The following ZNF814 variants were observed in gnomAD, a reference collection of about 807,000 sequenced individuals.
ZNF814 encodes the protein zinc finger protein 814.
Under a neutral mutation model 7.5 loss-of-function variants are expected in ZNF814, and 5 were observed. The observed-to-expected ratio is 0.67, with a 90% CI of 0.35 to 1.40. The LOEUF is 1.40. Ranked by LOEUF, ZNF814 falls within the 40% of genes most tolerant of loss-of-function variation. ZNF814 has a pLI of 0.04. For synonymous variants in ZNF814, 315 were observed against 340.7 expected (o/e 0.92, Z 0.83); for missense variants, 962 against 1,018.0 (o/e 0.94, Z 0.75).
rs561500755 is a variant in ZNF814, at chr19:57,870,598, C to T, written c.*2224G>A. 1 of 152,326 alleles carries T rather than the reference C, an allele frequency of 6.6e-6. No individual in the cohort carries two copies. The highest frequency in any genetic ancestry group is 1.5e-5 in the Non-Finnish European group (1 of 68,040). 9.4% of individuals were successfully genotyped at this position (152,326 alleles called of 1,614,324 possible). ...TCCTCTGACAATGGCCTCAACAATA[C>T]AATATTCATCATTATGGAAGTCCTG... On this transcript the variant is annotated 3_prime_UTR_variant, in exon 3 of 3. Coordinates refer to ENST00000435989, the MANE Select transcript of ZNF814 (RefSeq NM_001144989.2).
upstream of ZNF814, among the ~76,000 whole-genome samples, chr19:57,891,734 C>T (rs779542733): frequency 9.3e-5 from 14 of 151,344 alleles, no homozygotes; most frequent in Middle Eastern, 3.4e-3. Flanking sequence ...CTATGGAGTA[C>T]CCACTCTTTT....
the ZNF814 span, chr19:57,900,250 G>A: frequency 6.6e-6 from 1 of 152,224 alleles, no homozygotes; most frequent in Non-Finnish European, 1.5e-5. Flanking sequence ...AGTTAATATT[G>A]TTTCTGATTC....
chr19:57,889,167 C>A, upstream of ZNF814: 1 of 406,012 alleles, frequency 2.5e-6, no homozygotes, highest in South Asian at 1.1e-4. Flanking sequence ...ATGTAGTTCC[C>A]TAGGCAACAA....
rs1273758330 is a variant in ZNF814 at position 57,874,080 on chromosome 19, C to T, written c.1310G>A (p.Gly437Glu). The T allele has an allele frequency of 1.2e-6, 2 of 1,605,602 alleles. No individual in the cohort carries two copies. Among genetic ancestry groups the T allele is most frequent in the Non-Finnish European group, 1.7e-6 (2 of 1,176,164 alleles). Residue 437 changes from glycine to glutamate, a missense_variant, in exon 3 of 3, where the codon GGG becomes GAG. Transcript: ENST00000435989. ...AAAAGATTTCCCACATTCTTCACAC[C>T]CATAAGGTTTTTCTCCAGTGTGAAA... is the stretch of plus-strand genomic sequence containing the variant. The part of the protein sequence containing the change: ...QRFHTGEKPY[G>E]CEECGKSFSS...
In ZNF814 at chr19:57,873,509, A is replaced by G. The variant is rs1440239079; in HGVS notation, c.1881T>C (p.Thr627=). The change falls in exon 3 of 3, where the codon ACT becomes ACC. Residue 627 remains threonine (T), a synonymous_variant. Transcript: ENST00000435989. ...RSLVHHQRMH[T]GERPYKCGDC... is the part of the protein sequence containing the mutation. ...CTCCACACTTGTAAGGTCTTTCTCC[A>G]GTGTGCATGCGCTGATGGTGAACAA... The G allele has an allele frequency of 6.2e-7, 1 of 1,614,166 alleles. No homozygotes were observed. Among genetic ancestry groups the G allele is most frequent in the Admixed American group, 1.7e-5 (1 of 60,020 alleles).
the ZNF814 span, among the ~76,000 whole-genome samples, chr19:57,905,118 C>T: frequency 1.4e-5 from 2 of 147,650 alleles, no homozygotes; most frequent in Non-Finnish European, 3.0e-5. Flanking sequence ...GAAAATGATG[C>T]TGGGGGCTGG....
the ZNF814 span, among the ~76,000 whole-genome samples, chr19:57,901,015 T>A: frequency 1.3e-5 from 2 of 151,430 alleles, no homozygotes; most frequent in African/African-American, 4.9e-5. Flanking sequence ...CCCGGCTAAT[T>A]TTTTTTGTAT....
the ZNF814 span, among the ~76,000 whole-genome samples, chr19:57,903,406 T>C: frequency 6.6e-6 from 1 of 152,174 alleles, no homozygotes; most frequent in Non-Finnish European, 1.5e-5. Context: ...AGACAGTAAT[T>C]TGGATGGGGG....
intron 1 of ZNF814, among the ~76,000 whole-genome samples, chr19:57,883,764 A>T (rs368139430): frequency 3.4e-5 from 5 of 147,674 alleles, no homozygotes; most frequent in African/African-American, 9.9e-5. Context: ...AGATTTCTTT[A>T]TTTTTTTTTT....
rs765262820 is a variant in ZNF814, at chr19:57,873,082, T to C, written c.2308A>G (p.Lys770Glu). ...CVHKRIHTGE[K>E]PYECSECGKS... The stretch of plus-strand genomic sequence containing the variant: ...CCACATTCACTGCACTCATAAGGCT[T>C]TTCTCCAGTGTGAATTCGCTTATGA... The change falls in exon 3 of 3, where the codon AAG (lysine) becomes GAG (glutamate). Residue 770 changes from lysine to glutamate, a missense_variant. Transcript: ENST00000435989. 4 of 1,613,880 alleles carry C rather than the reference T, an allele frequency of 2.5e-6. No individual in the cohort carries two copies. In the South Asian group the frequency reaches 4.4e-5, roughly 18 times the overall value.
At chr19:57,893,640 C>T (rs1047235504), upstream of ZNF814, among the ~76,000 whole-genome samples, 2 of 151,786 alleles carry the variant, frequency 1.3e-5, no homozygotes, top group South Asian at 2.1e-4. Context: ...TAGTCATGGC[C>T]GGGTGCGGGG....
At chr19:57,890,983 A>G (rs1051676299), upstream of ZNF814, among the ~76,000 whole-genome samples, 2 of 151,334 alleles carry the variant, frequency 1.3e-5, no homozygotes, top group Non-Finnish European at 3.0e-5. Context: ...TCTAAGTCAC[A>G]GGATGAGATA....
At chr19:57,886,076 T>C (rs1413777347) in intron 1 of ZNF814, 1 of 151,934 alleles carries the variant, frequency 6.6e-6, no homozygotes, top group Non-Finnish European at 1.5e-5. Context: ...AGAAAATATT[T>C]TTAAAAATAA....
chr19:57,901,786 C>T, the ZNF814 span: 9 of 398,382 alleles, frequency 2.3e-5, no homozygotes, highest in East Asian at 1.1e-4. Flanking sequence ...CTTACTGTGG[C>T]GGTAAGCCTC....
Position 57,871,780 on chromosome 19 carries a change from C to T in ZNF814, c.*1042G>A, listed in dbSNP as rs1388361240. 6.8e-6 allele frequency: 1 copy of T among 147,288 alleles called. No individual in the cohort carries two copies. Among genetic ancestry groups the T allele is most frequent in the Non-Finnish European group, 1.5e-5 (1 of 67,542 alleles). The allele number at this position is 147,288 out of a possible 1,614,324, so 9.1% of individuals were successfully genotyped here. A position where few individuals can be genotyped will look rare whatever the true frequency, so the allele number is the denominator to read the frequency against. On this transcript the variant is annotated 3_prime_UTR_variant, in exon 3 of 3. Coordinates refer to ENST00000435989, the MANE Select transcript of ZNF814 (RefSeq NM_001144989.2). The stretch of plus-strand genomic sequence containing the variant: ...AAGTGCTGAAGCTACTCAACAAATC[C>T]TTCTGTGACTCGATCAGAAATTAAA...
At chr19:57,884,964 C>A (rs772201322) in intron 1 of ZNF814, among the ~76,000 whole-genome samples, 1 of 152,168 alleles carries the variant, frequency 6.6e-6, no homozygotes, top group African/African-American at 2.4e-5. Context: ...ATGTTTGCTG[C>A]AGCACTGTTC....
In ZNF814 at chr19:57,876,843, A is replaced by G. The variant is rs540352315; in HGVS notation, c.163+73T>C. On this transcript the variant is annotated intron_variant, in intron 2 of 2. Transcript: ENST00000435989. ...TGTGTCCATGCTCCTGACATGAGAA[A>G]GTCTTACCAATGGGGAAAGATAGGG... The G allele has an allele frequency of 2.3e-5, 36 of 1,593,022 alleles. No homozygotes were observed. The East Asian group carries it at 7.6e-4, about 34-fold the overall frequency.
At chr19:57,899,996 T>C in the ZNF814 span, among the ~76,000 whole-genome samples, 1 of 152,352 alleles carries the variant, frequency 6.6e-6, no homozygotes, top group East Asian at 1.9e-4. Context: ...TTTGTTGGCA[T>C]TCTTGATAAT....
rs1209409498 is a variant in ZNF814 at position 57,873,618 on chromosome 19, A to T, written c.1772T>A (p.Leu591His). 32 of 1,613,904 alleles carry T rather than the reference A, an allele frequency of 2.0e-5. No individual in the cohort carries two copies. The highest frequency in any genetic ancestry group is 2.6e-5 in the Non-Finnish European group (31 of 1,179,976). The change falls in exon 3 of 3, where the codon CTT becomes CAT. Residue 591 changes from leucine to histidine, a missense_variant. By Grantham distance (99) the Leu-to-His change is moderately conservative. Around this residue, in one of 7 missense-constraint regions of ZNF814, gnomAD observed 665 missense variants for 551.4 expected, o/e 1.21. Coordinates refer to ENST00000435989, the MANE Select transcript of ZNF814 (RefSeq NM_001144989.2). ...CGKSFSSIGH[L>H]RSHQRVHTGE... ...AGTATGAACGCGCTGATGGCTCCTAAGGTGCCCGATTGAACTAAAAGATTT... is the reference window on the plus strand; with the variant it reads ...AGTATGAACGCGCTGATGGCTCCTATGGTGCCCGATTGAACTAAAAGATTT...
Sources: gnomAD v4.1 joint callset for allele counts (sites outside exome capture counted in the v4.1 genomes callset) on GRCh38, gnomAD v4.1.1 for gene constraint, gnomAD v4.1.1 regional missense constraint, MANE v1.5 for transcripts, NCBI Gene and HGNC (gene_info 2026-07-23, HGNC 2026-07-21) for gene names.